CNTN4: variants seen among roughly 807,000 people sequenced by gnomAD.
CNTN4 encodes contactin-4.
CNTN4 carries 77 observed loss-of-function variants against 122.5 expected under a neutral mutation model. That is an observed-to-expected ratio of 0.63 (90% CI 0.52 to 0.76). CNTN4 has a LOEUF of 0.76. Ranked by LOEUF, CNTN4 falls within the 30% of genes least tolerant of loss-of-function variation. The pLI is 0.00. For missense variants in CNTN4, 1,256 were observed against 1,259.1 expected, an observed-to-expected ratio of 1.00 and a Z score of 0.04; for synonymous variants, 512 against 447.0, an observed-to-expected ratio of 1.15 and a Z score of -1.83.
chr3:2,767,815 T>C (rs1245950509), intron 6 of CNTN4, among the ~76,000 whole-genome samples: 2 of 152,214 alleles, frequency 1.3e-5, no homozygotes, highest in Non-Finnish European at 2.9e-5. Context: ...CAGCACCTAG[T>C]ACAGTGCTCA....
intron 3 of CNTN4, among the ~76,000 whole-genome samples, chr3:2,541,179 G>A (rs2078016795): frequency 6.6e-6 from 1 of 152,110 alleles, no homozygotes; most frequent in Admixed American, 6.6e-5. Flanking sequence ...AAACTCTTAA[G>A]TATAGTAACT....
intron 14 of CNTN4, among the ~76,000 whole-genome samples, chr3:3,006,403 C>T (rs956548155): frequency 1.3e-5 from 2 of 152,122 alleles, no homozygotes; most frequent in Admixed American, 6.5e-5. Flanking sequence ...TCTCCTTTTG[C>T]AGTGCATTGG....
At chr3:2,660,700 T>C (rs1156541416) in intron 4 of CNTN4, among the ~76,000 whole-genome samples, 1 of 152,216 alleles carries the variant, frequency 6.6e-6, no homozygotes, top group Non-Finnish European at 1.5e-5. Context: ...CCACCAGAGG[T>C]GATAATCTAG....
chr3:2,910,345 T>C (rs2094286743), intron 12 of CNTN4, among the ~76,000 whole-genome samples: 1 of 152,238 alleles, frequency 6.6e-6, no homozygotes, highest in African/African-American at 2.4e-5. Flanking sequence ...TACAATCCTA[T>C]AACCAAAATA....
intron 3 of CNTN4, among the ~76,000 whole-genome samples, chr3:2,361,417 C>T (rs1433205324): frequency 1.3e-5 from 2 of 152,168 alleles, no homozygotes; most frequent in Non-Finnish European, 2.9e-5. Context: ...TGCCAGGTAT[C>T]CTGCTAAGCA....
intron 8 of CNTN4, among the ~76,000 whole-genome samples, chr3:2,871,535 ATAGAGTTTTC>A (rs1559603103): frequency 3.2e-4 from 49 of 152,228 alleles, no homozygotes; most frequent in African/African-American, 1.2e-3. Flanking sequence ...TTTCTAAAAC[ATAGAGTTTTC>A]AAATTTTTAG....
intron 12 of CNTN4, among the ~76,000 whole-genome samples, chr3:2,922,268 A>G (rs2094436450): frequency 6.6e-6 from 1 of 152,190 alleles, no homozygotes; most frequent in Non-Finnish European, 1.5e-5. Context: ...TTTACCAATA[A>G]CTTTTAAAAC....
At chr3:2,705,966 A>T (rs2086707108) in intron 4 of CNTN4, among the ~76,000 whole-genome samples, 1 of 132,826 alleles carries the variant, frequency 7.5e-6, no homozygotes, top group African/African-American at 2.8e-5. Context: ...AAATATATAA[A>T]ATATATATTA....
intron 3 of CNTN4, among the ~76,000 whole-genome samples, chr3:2,407,858 G>T (rs1337248219): frequency 6.6e-6 from 1 of 152,162 alleles, no homozygotes; most frequent in Non-Finnish European, 1.5e-5. Flanking sequence ...TTCCCTTCAT[G>T]TAATATTCCC....
intron 4 of CNTN4, among the ~76,000 whole-genome samples, chr3:2,727,490 TAA>T (rs2088311542): frequency 6.6e-6 from 1 of 152,212 alleles, no homozygotes. Flanking sequence ...AAAGAGTCAT[TAA>T]TCCATTGTTC....
At chr3:2,813,752 A>T (rs914541511) in intron 6 of CNTN4, among the ~76,000 whole-genome samples, 1 of 152,146 alleles carries the variant, frequency 6.6e-6, no homozygotes, top group East Asian at 1.9e-4. Flanking sequence ...GACTATAATC[A>T]GGTATTTATG....
chr3:2,612,134 AC>A (rs1559303320), intron 4 of CNTN4, among the ~76,000 whole-genome samples: 6 of 129,540 alleles, frequency 4.6e-5, no homozygotes, highest in African/African-American at 1.6e-4. Flanking sequence ...ACACACACAC[AC>A]ACACAACAGA....
In CNTN4 at chr3:2,440,190, G is replaced by A. The variant is rs908914607; in HGVS notation, c.-89+100957G>A. ...AAGTTTTAGGGTACATGTGCACAACGTGCAGGTTAGTTACATATGTATACC... is the reference window on the plus strand; with the variant it reads ...AAGTTTTAGGGTACATGTGCACAACATGCAGGTTAGTTACATATGTATACC... On this transcript the variant is annotated intron_variant, in intron 3 of 24. Coordinates refer to ENST00000418658, the MANE Select transcript of CNTN4 (RefSeq NM_175607.3). Among the ~76,000 whole-genome samples the A allele has an allele frequency of 6.6e-5, 10 of 152,080 alleles. No individual in the cohort carries two copies. The East Asian group carries it at 9.7e-4, about 15-fold the overall frequency.
chr3:2,856,486 C>T (rs1424850005), intron 7 of CNTN4, among the ~76,000 whole-genome samples: 1 of 152,206 alleles, frequency 6.6e-6, no homozygotes, highest in Non-Finnish European at 1.5e-5. Flanking sequence ...ACAAGGGGAT[C>T]AGTGACTATT....
intron 8 of CNTN4, among the ~76,000 whole-genome samples, chr3:2,877,389 T>C (rs2093856710): frequency 6.6e-6 from 1 of 152,256 alleles, no homozygotes; most frequent in African/African-American, 2.4e-5. Context: ...ACTATTGTTG[T>C]ATCTCTCTTA....
At chr3:2,360,630 G>T (rs537217123) in intron 3 of CNTN4, among the ~76,000 whole-genome samples, 1 of 152,274 alleles carries the variant, frequency 6.6e-6, no homozygotes, top group South Asian at 2.1e-4. Context: ...TTAAAATCAT[G>T]CAGGTAGGCT....
intron 4 of CNTN4, among the ~76,000 whole-genome samples, chr3:2,617,067 G>A (rs1471731017): frequency 6.6e-6 from 1 of 152,146 alleles, no homozygotes; most frequent in East Asian, 1.9e-4. Context: ...ATACCATTCA[G>A]GACACGGGCA....
In CNTN4 at chr3:2,902,987, G is replaced by A. The variant is rs1438841286; in HGVS notation, c.1189G>A (p.Ala397Thr). 5 of 1,613,626 alleles carry A rather than the reference G, an allele frequency of 3.1e-6. No homozygotes were observed. The highest frequency in any genetic ancestry group is 1.7e-5 in the Admixed American group (1 of 60,002). Residue 397 changes from alanine to threonine, a missense_variant, in exon 12 of 25, where the codon GCA becomes ACA. Ala to Thr is a moderately conservative substitution (Grantham distance 58). Coordinates refer to ENST00000418658, the MANE Select transcript of CNTN4 (RefSeq NM_175607.3). The stretch of plus-strand genomic sequence containing the variant: ...TAAACATGGAGTTATCTTTTCCAAC[G>A]CAGAGCTTAGTGTTATAGGTGAGTC... ...ENKHGVIFSN[A>T]ELSVIAVGPD...
At chr3:2,105,659 AT>A (rs1250357014) in intron 2 of CNTN4, among the ~76,000 whole-genome samples, 1 of 152,170 alleles carries the variant, frequency 6.6e-6, no homozygotes, top group African/African-American at 2.4e-5. Context: ...ACACATGCAA[AT>A]TATGGGGATT....
Sources: gnomAD v4.1 joint callset for allele counts (sites outside exome capture counted in the v4.1 genomes callset) on GRCh38, gnomAD v4.1.1 for gene constraint, MANE v1.5 for transcripts, NCBI Gene and HGNC (gene_info 2026-07-23, HGNC 2026-07-21) for gene names.